MAST3: variants seen among roughly 807,000 people sequenced by gnomAD.
MAST3 encodes the protein microtubule-associated serine/threonine-protein kinase 3.
MAST3 carries 43 observed loss-of-function variants against 127.0 expected under a neutral mutation model. The observed-to-expected ratio is 0.34, with a 90% confidence interval of 0.27 to 0.44. The LOEUF (loss-of-function observed/expected upper bound fraction) is 0.44. Among genes scored for constraint, MAST3 ranks in the 20% least tolerant of loss-of-function variants. The pLI, the probability that MAST3 is intolerant of heterozygous loss-of-function variation, is 1.00. For missense variants in MAST3, 1,390 were observed against 1,919.1 expected (o/e 0.72, Z 5.15); for synonymous variants, 785 against 809.2 (o/e 0.97, Z 0.51).
intron 3 of MAST3, among the ~76,000 whole-genome samples, chr19:18,113,744 G>C (rs1266891528): frequency 6.6e-6 from 1 of 151,974 alleles, no homozygotes; most frequent in African/African-American, 2.4e-5. Flanking sequence ...TTACAAGCGT[G>C]AGCCACTGCG....
rs2042542563 is a variant in MAST3 at position 18,142,010 on chromosome 19, C to A, written c.2334C>A (p.Asp778Glu). Residue 778 changes from aspartate to glutamate, a missense_variant, in exon 21 of 28, where the codon GAC becomes GAA. Physicochemically the swap from Asp to Glu is conservative, Grantham distance 45. Transcript: ENST00000687212. ...ACTATGGCCGCCGGCTGAGTGCTGA[C>A]ATCCGGTAAGTGGCCTGGGGAAGTG... Reference protein sequence around the residue: ...EVDYGRRLSADIRLRSWTSSG... With the variant: ...EVDYGRRLSAEIRLRSWTSSG... 6.7e-7 allele frequency: 1 copy of A among 1,492,226 alleles called. No homozygotes were observed. The highest frequency in any genetic ancestry group is 2.6e-5 in the East Asian group (1 of 39,202). The allele number at this position is 1,492,226 out of a possible 1,614,324, so 92.4% of individuals were successfully genotyped here.
chr19:18,141,364 C>T lies in MAST3; in HGVS notation c.2206-518C>T, dbSNP rs149387967. The stretch of plus-strand genomic sequence containing the variant: ...CAACTGGTACATAGGAATCACTGGA[C>T]TAAGCCAGCTTTCTTTTTTTTTTTT... On this transcript the variant is annotated intron_variant, in intron 20 of 27. Transcript: ENST00000687212. Among the ~76,000 whole-genome samples the T allele has an allele frequency of 2.0e-3, 255 of 129,402 alleles. 2 individuals are homozygous for T. Among genetic ancestry groups the T allele is most frequent in the Admixed American group, 0.014 (156 of 11,112 alleles). The allele number at this position is 129,402 out of a possible 152,430, so 84.9% of individuals were successfully genotyped here. A position where few individuals can be genotyped will look rare whatever the true frequency, so the allele number is the denominator to read the frequency against.
intron 3 of MAST3, among the ~76,000 whole-genome samples, chr19:18,113,029 C>A (rs2038806844): frequency 6.6e-6 from 1 of 152,152 alleles, no homozygotes; most frequent in Non-Finnish European, 1.5e-5. Flanking sequence ...GGCTTCCACC[C>A]CAGGTGAGGA....
At chr19:18,132,996 A>G (rs2041487020) in intron 15 of MAST3, among the ~76,000 whole-genome samples, 9 of 152,136 alleles carry the variant, frequency 5.9e-5, no homozygotes, top group Admixed American at 5.2e-4. Context: ...CCAGCTACTC[A>G]GGAGGCTGAG....
chr19:18,127,067 A>G (rs188907055), intron 11 of MAST3, among the ~76,000 whole-genome samples: 2,065 of 150,580 alleles, frequency 0.014, 42 homozygotes, highest in African/African-American at 0.047. Context: ...GGCGTGAGCC[A>G]CCGCGCCTGG....
chr19:18,121,153 G>A (rs1410434740), intron 3 of MAST3, among the ~76,000 whole-genome samples: 1 of 152,102 alleles, frequency 6.6e-6, no homozygotes, highest in African/African-American at 2.4e-5. Context: ...ACTGTGCCCA[G>A]CCTTGTTTTT....
At chr19:18,147,769 T>C in intron 27 of MAST3, 145 bp downstream of exon 27, 1 of 654,846 alleles carries the variant, frequency 1.5e-6, no homozygotes, top group Non-Finnish European at 2.6e-6. Flanking sequence ...GCAGGGAACC[T>C]GGGAGTACTT....
rs1036649200 is a variant in MAST3, at chr19:18,149,058, C to G, written c.3509-133C>G. ...ACAGAGCAAGACCCTGTCTCAAAAA[C>G]AAAAACAACCAGGCATGATGGGTGG... On this transcript the variant is annotated intron_variant, in intron 27 of 27. Coordinates refer to ENST00000687212, the MANE Select transcript of MAST3 (RefSeq NM_001393504.1). The surrounding 1 kb of genome is among the most constrained non-coding windows in gnomAD (Gnocchi z 5.9). 3.9e-6 allele frequency: 4 copies of G among 1,017,986 alleles called. No homozygotes were observed. In the South Asian group the frequency reaches 6.2e-5, roughly 16 times the overall value. 63.1% of individuals were successfully genotyped at this position (1,017,986 alleles called of 1,614,324 possible).
rs769766510 is a variant in MAST3 at position 18,124,781 on chromosome 19, C to T, written c.1078+7C>T. 4.0e-5 allele frequency: 63 copies of T among 1,581,096 alleles called. No individual in the cohort carries two copies. Among genetic ancestry groups the T allele is most frequent in the African/African-American group, 3.5e-4 (26 of 73,484 alleles). On this transcript the variant is annotated splice_region_variant and intron_variant, in intron 11 of 27. Transcript: ENST00000687212. The stretch of plus-strand genomic sequence containing the variant: ...GCCAAGGACCCCCTGGAGGGTAAGC[C>T]GGGATGGGAAGAGGAAACCAAGGCT...
At chr19:18,143,516 T>C (rs2042730568) in intron 21 of MAST3, among the ~76,000 whole-genome samples, 1 of 151,816 alleles carries the variant, frequency 6.6e-6, no homozygotes. Context: ...GCAGTGGTTG[T>C]AGTGAGCTGA....
chr19:18,145,878 C>A lies in MAST3; in HGVS notation c.3162+13C>A, dbSNP rs771924619. 6 of 1,580,052 alleles carry A rather than the reference C, an allele frequency of 3.8e-6. No individual in the cohort carries two copies. The Admixed American group carries it at 5.5e-5, about 15-fold the overall frequency. On this transcript the variant is annotated intron_variant, in intron 25 of 27. Coordinates refer to ENST00000687212, the MANE Select transcript of MAST3 (RefSeq NM_001393504.1). This position sits in a 1 kb window ranked among gnomAD's most constrained non-coding sequence, Gnocchi z 5.9. Reference sequence around the variant, plus strand: ...GCTGCTGCTGAAGGTGCGGCACCCCCACTGCCCACCCTCAGGGCTCCCCAG... The same window carrying A: ...GCTGCTGCTGAAGGTGCGGCACCCCAACTGCCCACCCTCAGGGCTCCCCAG...
chr19:18,143,363 C>T (rs188791022), intron 21 of MAST3, among the ~76,000 whole-genome samples: 1 of 152,226 alleles, frequency 6.6e-6, no homozygotes, highest in Admixed American at 6.5e-5. Context: ...GTCACTTGAG[C>T]TCAGGAATTC....
chr19:18,140,530 G>A (rs1356667952), intron 20 of MAST3, among the ~76,000 whole-genome samples: 2 of 152,088 alleles, frequency 1.3e-5, no homozygotes, highest in Non-Finnish European at 2.9e-5. Context: ...TCCTCCTTCA[G>A]CTTCCATCTT....
At chr19:18,116,162 C>T (rs1048590324) in intron 3 of MAST3, among the ~76,000 whole-genome samples, 3 of 128,106 alleles carry the variant, frequency 2.3e-5, no homozygotes, top group Non-Finnish European at 3.1e-5. Flanking sequence ...GGTGTGATCT[C>T]GGCCCACTGC....
chr19:18,136,032 G>C (rs948965371), intron 18 of MAST3, among the ~76,000 whole-genome samples, 191 bp downstream of exon 18: 25 of 152,210 alleles, frequency 1.6e-4, no homozygotes, highest in African/African-American at 5.1e-4. Context: ...GGAAAGAATA[G>C]AAAGTAGCTG....
chr19:18,134,967 G>C lies in MAST3; in HGVS notation c.1855G>C (p.Gly619Arg), dbSNP rs775545026. The C allele has an allele frequency of 6.2e-7, 1 of 1,610,574 alleles. No homozygotes were observed. The highest frequency in any genetic ancestry group is 8.5e-7 in the Non-Finnish European group (1 of 1,177,584). Residue 619 changes from glycine (G) to arginine (R), a missense_variant, in exon 17 of 28, where the codon GGT becomes CGT. Around this residue, in one of 5 missense-constraint regions of MAST3, gnomAD observed 191 missense variants for 409.0 expected, o/e 0.47. Coordinates refer to ENST00000687212, the MANE Select transcript of MAST3 (RefSeq NM_001393504.1). ...FFGDTPEELF[G>R]QVVSDEIMWP... ...TGGAGATACCCCCGAGGAACTCTTC[G>C]GTCAGGTGGTCAGCGGTGCGTTTCC...
rs1302880790 is a variant in MAST3 at position 18,139,046 on chromosome 19, C to T, written c.2127C>T (p.Ser709=). ...CGGAACGTTACCGCCATCTGGGCTC[C>T]GAGGACGACGAGACCAATGATGAAG... ...TRSERYRHLG[S]EDDETNDEES... is the part of the protein sequence containing the mutation. Residue 709 remains serine, a synonymous_variant, in exon 20 of 28, where the codon TCC becomes TCT. Coordinates refer to ENST00000687212, the MANE Select transcript of MAST3 (RefSeq NM_001393504.1). 2.5e-6 allele frequency: 4 copies of T among 1,599,170 alleles called. No individual in the cohort carries two copies. The highest frequency in any genetic ancestry group is 2.3e-5 in the East Asian group (1 of 44,066).
intron 1 of MAST3, among the ~76,000 whole-genome samples, chr19:18,105,279 A>G (rs576244492): frequency 6.6e-6 from 1 of 152,154 alleles, no homozygotes; most frequent in East Asian, 1.9e-4. Context: ...AGTCAGGAGA[A>G]TCGCTTGAAC....
Position 18,149,912 on chromosome 19 carries a change from G to A in MAST3, c.*186G>A. 1.5e-6 allele frequency: 1 copy of A among 684,772 alleles called. No individual in the cohort carries two copies. Among genetic ancestry groups the A allele is most frequent in the Non-Finnish European group, 2.3e-6 (1 of 433,058 alleles). 42.4% of individuals were successfully genotyped at this position (684,772 alleles called of 1,614,324 possible). On this transcript the variant is annotated 3_prime_UTR_variant, in exon 28 of 28. Transcript: ENST00000687212. This position sits in a 1 kb window ranked among gnomAD's most constrained non-coding sequence, Gnocchi z 5.9. ...TCTGGTGTCAATCGGGGCTGGATGGGGCAAGAATGGGGGACAAGGGTGGCT... is the reference window on the plus strand; with the variant it reads ...TCTGGTGTCAATCGGGGCTGGATGGAGCAAGAATGGGGGACAAGGGTGGCT...
Sources: allele counts gnomAD v4.1 joint callset (sites outside exome capture counted in the v4.1 genomes callset), GRCh38; gene constraint gnomAD v4.1.1; regional missense constraint gnomAD v4.1.1; non-coding constraint Gnocchi (gnomAD v3.1); transcripts MANE v1.5; gene names NCBI Gene and HGNC (gene_info 2026-07-23, HGNC 2026-07-21).